Variants in RGS6 observed in about 807,000 individuals in gnomAD.
RGS6 encodes the protein regulator of G protein signaling 6.
A neutral mutation model predicts 78.5 loss-of-function variants in RGS6; 30 were observed. The observed-to-expected ratio is 0.38, with a 90% CI of 0.29 to 0.52. The LOEUF is 0.52. Ranked by LOEUF, RGS6 falls within the 20% of genes least tolerant of loss-of-function variation. The probability of loss-of-function intolerance (pLI) is 0.85; values close to 1 mark genes in which losing one functional copy is unlikely to be tolerated. For missense variants in RGS6, 495 were observed against 609.7 expected (o/e 0.81, Z 1.98); for synonymous variants, 206 against 206.0 (o/e 1.00, Z 0.00).
intron 2 of RGS6, among the ~76,000 whole-genome samples, chr14:72,065,627 G>A (rs1017268955): frequency 6.6e-6 from 1 of 152,070 alleles, no homozygotes; most frequent in South Asian, 2.1e-4. Flanking sequence ...AAACGTCATT[G>A]GGGTTAATAA....
At chr14:72,171,632 C>T (rs934187964) in intron 2 of RGS6, among the ~76,000 whole-genome samples, 10 of 152,298 alleles carry the variant, frequency 6.6e-5, no homozygotes, top group African/African-American at 2.4e-4. Flanking sequence ...AAAGAAGGAA[C>T]AATTTGTCCT....
At chr14:72,037,348 C>T (rs533379695) in intron 2 of RGS6, among the ~76,000 whole-genome samples, 5 of 152,200 alleles carry the variant, frequency 3.3e-5, no homozygotes, top group Non-Finnish European at 7.3e-5. Flanking sequence ...TGGGTCCGCA[C>T]CACCTTTAAG....
Position 72,466,764 on chromosome 14 carries a change from C to T in RGS6, c.459+942C>T, listed in dbSNP as rs546410092. 3.0e-4 allele frequency among the ~76,000 whole-genome samples: 45 copies of T among 152,244 alleles called. 1 individual carries two copies. The highest frequency in any genetic ancestry group is 6.2e-4 in the South Asian group (3 of 4,820). ...GAAGGTGATGGAACTGTTCTGTATC[C>T]TGATCGTGGTGGTGGTTGTATGAAT... On this transcript the variant is annotated intron_variant, in intron 7 of 17. Transcript: ENST00000553525.
At position 72,036,200 on chromosome 14, in the gene RGS6, ATAT is replaced by A. The variant is rs3053081; in HGVS notation, c.84+71353_84+71355del. On this transcript the variant is annotated intron_variant, in intron 2 of 17. Transcript: ENST00000553525. ...CTCATCCAAGTTGTTGCATGTAAAC[ATAT>A]TATTATTATTATTATTATTATTATT... is the stretch of plus-strand genomic sequence containing the variant. 7.6e-3 allele frequency among the ~76,000 whole-genome samples: 1,110 copies of A among 146,804 alleles called. 7 individuals are homozygous for A. The highest frequency in any genetic ancestry group is 0.017 in the African/African-American group (687 of 40,104).
chr14:72,428,061 T>A (rs994140531), intron 3 of RGS6, among the ~76,000 whole-genome samples: 4 of 152,160 alleles, frequency 2.6e-5, no homozygotes, highest in Admixed American at 2.6e-4. Flanking sequence ...GGTAAAGGGA[T>A]CCTTAGCTTA....
At position 72,550,034 on chromosome 14, in the gene RGS6, CGAT is replaced by C. The variant is rs993025872; in HGVS notation, c.1422+9943_1422+9945del. On this transcript the variant is annotated intron_variant, in intron 17 of 17. Transcript: ENST00000553525. ...CTGTCCTAAGAACCACCCCGATTGC[CGAT>C]GACACTCCCTCCTCTCTTGGGCTTC... is the stretch of plus-strand genomic sequence containing the variant. Among the ~76,000 whole-genome samples, 52 of 152,246 alleles carry C rather than the reference CGAT, an allele frequency of 3.4e-4. 1 individual carries two copies. Among genetic ancestry groups the C allele is most frequent in the South Asian group, 6.2e-4 (3 of 4,820 alleles).
chr14:72,001,153 T>G (rs778553086), intron 2 of RGS6, among the ~76,000 whole-genome samples: 2 of 152,152 alleles, frequency 1.3e-5, no homozygotes, highest in Non-Finnish European at 2.9e-5. Flanking sequence ...GTGCAGTTGT[T>G]AAGCAACTGC....
chr14:72,347,595 C>T (rs1215171972), intron 2 of RGS6, among the ~76,000 whole-genome samples: 2 of 152,202 alleles, frequency 1.3e-5, no homozygotes, highest in East Asian at 3.8e-4. Flanking sequence ...TAATCTACCT[C>T]CTGTGAGAAT....
At chr14:72,467,124 A>G (rs781265505) in intron 7 of RGS6, among the ~76,000 whole-genome samples, 1 of 152,086 alleles carries the variant, frequency 6.6e-6, no homozygotes, top group Non-Finnish European at 1.5e-5. Context: ...CTCATAGATC[A>G]TTTAATTTTT....
rs543164148 is a variant in RGS6, at chr14:72,030,169, C to T, written c.84+65294C>T. On this transcript the variant is annotated intron_variant, in intron 2 of 17. Transcript: ENST00000553525. ...AAGGATAGTGAAGAGCATATAACTT[C>T]CATATTAATGGTTAAAGATGTGCCA... Among the ~76,000 whole-genome samples the T allele has an allele frequency of 3.3e-5, 5 of 152,192 alleles. No individual in the cohort carries two copies. In the South Asian group the frequency reaches 8.3e-4, roughly 25 times the overall value.
At chr14:72,250,975 A>C (rs550404389) in intron 2 of RGS6, among the ~76,000 whole-genome samples, 1 of 152,242 alleles carries the variant, frequency 6.6e-6, no homozygotes, top group Non-Finnish European at 1.5e-5. Context: ...AAGCCATACA[A>C]AAAAATGAGG....
intron 2 of RGS6, among the ~76,000 whole-genome samples, chr14:71,996,797 G>A (rs540349294): frequency 2.0e-5 from 3 of 152,118 alleles, no homozygotes; most frequent in South Asian, 2.1e-4. Flanking sequence ...AGGGGGTGGC[G>A]GGAGGAAGTA....
chr14:72,263,618 A>G (rs2058552943), intron 2 of RGS6, among the ~76,000 whole-genome samples: 1 of 152,222 alleles, frequency 6.6e-6, no homozygotes, highest in Admixed American at 6.5e-5. Context: ...CAGGGCCCTC[A>G]TGATTGGGAT....
chr14:71,958,115 TTAAGG>T (rs1434675600), intron 1 of RGS6, among the ~76,000 whole-genome samples: 1 of 152,028 alleles, frequency 6.6e-6, no homozygotes, highest in Non-Finnish European at 1.5e-5. Context: ...TTTGTAAGTC[TTAAGG>T]TAGGATTGGA....
At chr14:72,358,185 G>C (rs1365646086) in intron 3 of RGS6, among the ~76,000 whole-genome samples, 2 of 152,230 alleles carry the variant, frequency 1.3e-5, no homozygotes, top group Admixed American at 6.5e-5. Flanking sequence ...TGGATGTCCA[G>C]GCAGAGGTGT....
At chr14:72,176,814 T>A (rs1447145977) in intron 2 of RGS6, among the ~76,000 whole-genome samples, 2 of 152,196 alleles carry the variant, frequency 1.3e-5, no homozygotes, top group African/African-American at 4.8e-5. Flanking sequence ...TACGCACATG[T>A]GCACACACAC....
chr14:72,397,255 G>C (rs1189434645), intron 3 of RGS6, among the ~76,000 whole-genome samples: 1 of 152,106 alleles, frequency 6.6e-6, no homozygotes. Flanking sequence ...TCCTTGGAGA[G>C]GTCCTTCACA....
intron 2 of RGS6, among the ~76,000 whole-genome samples, chr14:72,291,775 A>G (rs2063618485): frequency 6.6e-6 from 1 of 152,218 alleles, no homozygotes; most frequent in Non-Finnish European, 1.5e-5. Flanking sequence ...AATTTTTAAA[A>G]AAAGAAAGGG....
the RGS6 span, among the ~76,000 whole-genome samples, chr14:72,607,296 A>G: frequency 6.6e-6 from 1 of 152,218 alleles, no homozygotes. Context: ...ACAATTCTGG[A>G]GACTGGAAAG....
Sources: allele counts gnomAD v4.1 joint callset (sites outside exome capture counted in the v4.1 genomes callset), GRCh38; gene constraint gnomAD v4.1.1; transcripts MANE v1.5; gene names NCBI Gene and HGNC (gene_info 2026-07-23, HGNC 2026-07-21).